Variants in THSD4 observed in about 807,000 individuals in gnomAD.
The protein encoded by THSD4 is thrombospondin type-1 domain-containing protein 4.
Under a neutral mutation model 119.0 loss-of-function variants are expected in THSD4, and 69 were observed. That is an observed-to-expected ratio of 0.58 (90% CI 0.48 to 0.71). The LOEUF (loss-of-function observed/expected upper bound fraction) is 0.71. Among genes scored for constraint, THSD4 ranks in the 30% least tolerant of loss-of-function variants. THSD4 has a pLI of 0.00. For missense variants in THSD4, 1,393 were observed against 1,391.1 expected, an observed-to-expected ratio of 1.00 and a Z score of -0.02; for synonymous variants, 524 against 540.4, an observed-to-expected ratio of 0.97 and a Z score of 0.42.
At chr15:71,579,737 C>T (rs935797619) in intron 7 of THSD4, among the ~76,000 whole-genome samples, 1 of 152,110 alleles carries the variant, frequency 6.6e-6, no homozygotes, top group African/African-American at 2.4e-5. Context: ...TTGGAGACAC[C>T]ATGGTTTGGA....
intron 12 of THSD4, 21 bp from the exon 13 acceptor site, chr15:71,746,817 G>C (rs200288727): frequency 1.2e-6 from 2 of 1,611,446 alleles, no homozygotes; most frequent in Admixed American, 1.7e-5. Flanking sequence ...TCTCACTCTC[G>C]CTCTCTCATT....
intron 7 of THSD4, among the ~76,000 whole-genome samples, chr15:71,415,625 T>C (rs750338486): frequency 1.3e-5 from 2 of 152,152 alleles, no homozygotes; most frequent in Admixed American, 6.5e-5. Flanking sequence ...ATACTAGATA[T>C]TATTTATTCT....
chr15:71,722,401 C>A (rs1283485678), intron 8 of THSD4, among the ~76,000 whole-genome samples: 1 of 152,180 alleles, frequency 6.6e-6, no homozygotes, highest in Non-Finnish European at 1.5e-5. Context: ...TAAAAAGATT[C>A]AAGGTACCAA....
chr15:71,374,693 G>A (rs950534386), intron 6 of THSD4, among the ~76,000 whole-genome samples: 12 of 152,198 alleles, frequency 7.9e-5, no homozygotes, highest in African/African-American at 2.7e-4. Context: ...TAGGAAAGAA[G>A]TTGCTTGCAG....
intron 4 of THSD4, among the ~76,000 whole-genome samples, chr15:71,221,744 G>A (rs2043977403): frequency 6.6e-6 from 1 of 152,142 alleles, no homozygotes; most frequent in Admixed American, 6.5e-5. Context: ...GAACATGGGT[G>A]TTTTCAGTTC....
chr15:71,129,730 C>T (rs556794639), intron 1 of THSD4, among the ~76,000 whole-genome samples: 1 of 151,862 alleles, frequency 6.6e-6, no homozygotes, highest in African/African-American at 2.4e-5. Context: ...TTTCTCCCTC[C>T]TTCTGTAAGG....
At chr15:71,098,394 T>C (rs529558939) in intron 1 of THSD4, among the ~76,000 whole-genome samples, 104 of 151,816 alleles carry the variant, frequency 6.9e-4, no homozygotes, top group African/African-American at 2.3e-3. Flanking sequence ...GATGGGATTT[T>C]GTAATTTTTG....
chr15:71,707,818 C>G (rs371528997), intron 8 of THSD4, among the ~76,000 whole-genome samples: 2 of 152,152 alleles, frequency 1.3e-5, no homozygotes, highest in South Asian at 2.1e-4. Flanking sequence ...TAACATTTTG[C>G]TTGGAGAAAG....
At chr15:71,654,750 C>T (rs2051156202) in intron 7 of THSD4, among the ~76,000 whole-genome samples, 1 of 152,202 alleles carries the variant, frequency 6.6e-6, no homozygotes, top group South Asian at 2.1e-4. Context: ...TTTTAATATT[C>T]TCCCATACTG....
chr15:71,304,838 A>T (rs1051058527), intron 6 of THSD4, among the ~76,000 whole-genome samples: 6 of 152,252 alleles, frequency 3.9e-5, no homozygotes, highest in Non-Finnish European at 7.3e-5. Flanking sequence ...GTGGTAGAAT[A>T]TAAAAGCTCA....
At chr15:71,106,828 G>A (rs559892004) in intron 1 of THSD4, among the ~76,000 whole-genome samples, 69 of 151,408 alleles carry the variant, frequency 4.6e-4, no homozygotes, top group African/African-American at 1.6e-3. Flanking sequence ...GAAGGAACAC[G>A]ATGATTTGTA....
In THSD4 at chr15:71,745,291, T is replaced by G; in HGVS notation, c.2036+56T>G. 4.4e-6 allele frequency: 7 copies of G among 1,598,036 alleles called. No homozygotes were observed. The South Asian group carries it at 4.5e-5, about 10-fold the overall frequency. On this transcript the variant is annotated intron_variant, in intron 12 of 17. Coordinates refer to ENST00000261862, the MANE Select transcript of THSD4 (RefSeq NM_024817.3). ...TTACCGGGTCACTTCAGGTCACTTATGCACAGGACCTTAGGAACAGATATA... is the reference window on the plus strand; with the variant it reads ...TTACCGGGTCACTTCAGGTCACTTAGGCACAGGACCTTAGGAACAGATATA...
rs530207172 is a variant in THSD4, at chr15:71,372,094, G to T, written c.1016-39593G>T. On this transcript the variant is annotated intron_variant, in intron 6 of 17. Transcript: ENST00000261862. ...ATTGGTTACTGAAGCTTGTGCATTC[G>T]TCACGTAGTTCTTGTGCCATGGTTT... Among the ~76,000 whole-genome samples, 163 of 152,212 alleles carry T rather than the reference G, an allele frequency of 1.1e-3. 4 individuals are homozygous for T. The South Asian group carries it at 0.027, about 25-fold the overall frequency.
At chr15:71,692,774 A>C (rs757396528) in intron 8 of THSD4, among the ~76,000 whole-genome samples, 3 of 152,186 alleles carry the variant, frequency 2.0e-5, no homozygotes, top group Non-Finnish European at 2.9e-5. Flanking sequence ...TGTTCCTGGT[A>C]ATAAGAAGCG....
chr15:71,581,877 G>C (rs944135462), intron 7 of THSD4, among the ~76,000 whole-genome samples: 1 of 152,012 alleles, frequency 6.6e-6, no homozygotes, highest in Non-Finnish European at 1.5e-5. Flanking sequence ...CTATAAGTCT[G>C]TTTCTTATGT....
rs1437724101 is a variant in THSD4 at position 71,416,992 on chromosome 15, C to T, written c.1152+5169C>T. 1.9e-5 allele frequency among the ~76,000 whole-genome samples: 2 copies of T among 107,740 alleles called. 1 individual carries two copies. The highest frequency in any genetic ancestry group is 4.1e-5 in the Non-Finnish European group (2 of 49,294). The allele number at this position is 107,740 out of a possible 152,430, so 70.7% of individuals were successfully genotyped here. A position where few individuals can be genotyped will look rare whatever the true frequency, so the allele number is the denominator to read the frequency against. On this transcript the variant is annotated intron_variant, in intron 7 of 17. Transcript: ENST00000261862. ...GCCAGGATGGTCTTGATCTCCTGAC[C>T]TCATGATCCGCCTGCCTCAGCCTCC...
At chr15:71,495,443 C>T (rs891065552) in intron 7 of THSD4, among the ~76,000 whole-genome samples, 4 of 152,132 alleles carry the variant, frequency 2.6e-5, no homozygotes, top group Non-Finnish European at 4.4e-5. Context: ...TTCATTCCCT[C>T]CCTCTCATCA....
At position 71,132,684 on chromosome 15, in the gene THSD4, T is replaced by C. The variant is rs185419186; in HGVS notation, c.-79-8765T>C. Among the ~76,000 whole-genome samples, 652 of 152,366 alleles carry C rather than the reference T, an allele frequency of 4.3e-3. 8 individuals carry two copies. The highest frequency in any genetic ancestry group is 2.5e-3 in the African/African-American group (103 of 41,596). ...GATTTATTTCCAGAAGAATACCTCA[T>C]TGGGTGTGTTCCACTCAGCCCTGAA... On this transcript the variant is annotated intron_variant, in intron 1 of 17. Coordinates refer to ENST00000261862, the MANE Select transcript of THSD4 (RefSeq NM_024817.3).
At chr15:71,181,440 G>T in intron 3 of THSD4, among the ~76,000 whole-genome samples, 1 of 152,194 alleles carries the variant, frequency 6.6e-6, no homozygotes, top group East Asian at 1.9e-4. Context: ...GTTGCAGAAG[G>T]AGAACATCTT....
Sources: allele counts gnomAD v4.1 joint callset (sites outside exome capture counted in the v4.1 genomes callset), GRCh38; gene constraint gnomAD v4.1.1; transcripts MANE v1.5; gene names NCBI Gene and HGNC (gene_info 2026-07-23, HGNC 2026-07-21).